Variants in TNRC6C observed in about 807,000 individuals in gnomAD.
TNRC6C encodes the protein trinucleotide repeat containing adaptor 6C.
A neutral mutation model predicts 153.7 loss-of-function variants in TNRC6C; 20 were observed. The observed-to-expected ratio is 0.13, with a 90% CI of 0.09 to 0.19. The LOEUF (loss-of-function observed/expected upper bound fraction) is 0.19, where lower values mean the gene tolerates loss of function less well. TNRC6C is among the 10% of genes least tolerant of loss of function. The pLI, the probability that TNRC6C is intolerant of heterozygous loss-of-function variation, is 1.00. For missense variants in TNRC6C, 1,987 were observed against 2,172.0 expected (o/e 0.91, Z 1.69); for synonymous variants, 811 against 841.4 (o/e 0.96, Z 0.63).
intron 1 of TNRC6C, among the ~76,000 whole-genome samples, chr17:78,006,504 CTTCT>C (rs2071503681): frequency 1.8e-5 from 1 of 54,932 alleles, no homozygotes; most frequent in Non-Finnish European, 3.8e-5. Flanking sequence ...TCTTCTTCTT[CTTCT>C]TCTTCTTCTT....
chr17:77,965,538 G>A (rs528383550), intron 1 of TNRC6C, among the ~76,000 whole-genome samples: 3 of 152,342 alleles, frequency 2.0e-5, no homozygotes, highest in East Asian at 3.9e-4. Context: ...GCTGCCTTCT[G>A]AAGCCTGAGC....
intron 19 of TNRC6C, 78 bp downstream of exon 22, chr17:78,103,631 G>A: frequency 6.4e-7 from 1 of 1,574,322 alleles, no homozygotes; most frequent in Non-Finnish European, 8.6e-7. Context: ...GTGTTGCAGG[G>A]GTGTCCTGAG....
Position 78,010,821 on chromosome 17 carries a change from A to G in TNRC6C, c.-546+5742A>G, listed in dbSNP as rs148027702. 1.1e-3 allele frequency among the ~76,000 whole-genome samples: 160 copies of G among 152,364 alleles called. 1 individual carries two copies. The highest frequency in any genetic ancestry group is 3.5e-3 in the African/African-American group (146 of 41,594). On this transcript the variant is annotated intron_variant, in intron 1 of 19. Coordinates refer to ENST00000301624, the Ensembl canonical transcript of TNRC6C. ...CCATGGAAACAAAAAAAATATTAAG[A>G]TGAGACATTTTAAAAATATATAGGT...
At chr17:78,076,585 A>G (rs1415680957) in intron 8 of TNRC6C, among the ~76,000 whole-genome samples, 1 of 152,228 alleles carries the variant, frequency 6.6e-6, no homozygotes, top group African/African-American at 2.4e-5. Flanking sequence ...TAATCTGGCA[A>G]CCCTAAATTG....
exon 4 of TNRC6C, chr17:78,064,930 C>T (rs1390928348): frequency 2.7e-5 from 44 of 1,608,224 alleles, no homozygotes; most frequent in Non-Finnish European, 3.7e-5. Flanking sequence ...CAGCCCTGTG[C>T]AAACCAGGTA....
At chr17:78,046,139 AT>A (rs2072404052) in intron 2 of TNRC6C, among the ~76,000 whole-genome samples, 1 of 146,144 alleles carries the variant, frequency 6.8e-6, no homozygotes, top group Non-Finnish European at 1.5e-5. Context: ...TCCTTTTCCC[AT>A]TTCTGGTTGG....
chr17:78,005,841 C>T lies in TNRC6C; in HGVS notation c.-546+762C>T, dbSNP rs183360242. ...ATAAAGCTGTTACAAAGACTTAATA[C>T]GATTATTTGTCAATTCAAAATAAAA... On this transcript the variant is annotated intron_variant, in intron 1 of 19. Transcript: ENST00000301624. 1.4e-4 allele frequency among the ~76,000 whole-genome samples: 22 copies of T among 151,738 alleles called. 1 individual carries two copies. The highest frequency in any genetic ancestry group is 1.0e-3 in the South Asian group (5 of 4,788).
At chr17:78,064,024 G>C (rs2072821505) in intron 3 of TNRC6C, among the ~76,000 whole-genome samples, 1 of 152,172 alleles carries the variant, frequency 6.6e-6, no homozygotes, top group African/African-American at 2.4e-5. Flanking sequence ...TAGAGGGCAG[G>C]AGTTAGAAAA....
intron 1 of TNRC6C, among the ~76,000 whole-genome samples, chr17:77,996,816 G>T (rs2071335595): frequency 6.6e-6 from 1 of 152,130 alleles, no homozygotes; most frequent in Non-Finnish European, 1.5e-5. Context: ...CCTTCGATTA[G>T]TCAGACACAA....
At chr17:78,074,115 C>T (rs1197997879) in intron 7 of TNRC6C, among the ~76,000 whole-genome samples, 5 of 152,144 alleles carry the variant, frequency 3.3e-5, no homozygotes, top group Non-Finnish European at 7.4e-5. Context: ...CGCTTTACTG[C>T]CTTCTTGAGC....
chr17:78,091,443 G>T, exon 14 of TNRC6C: 3 of 1,590,636 alleles, frequency 1.9e-6, no homozygotes, highest in Non-Finnish European at 2.6e-6. Flanking sequence ...TCTTTAGCTG[G>T]ACTGAACCCA....
intron 1 of TNRC6C, among the ~76,000 whole-genome samples, chr17:77,965,914 C>T (rs79708117): frequency 0.01 from 1,523 of 152,274 alleles, 11 homozygotes; most frequent in Middle Eastern, 0.024. Context: ...CATTGTTTTC[C>T]CTTCATACCA....
Position 78,102,462 on chromosome 17 carries a change from C to T in TNRC6C, c.4502-12C>T, listed in dbSNP as rs764816545. The T allele has an allele frequency of 1.4e-5, 22 of 1,602,956 alleles. No individual in the cohort carries two copies. In the Admixed American group the frequency reaches 3.4e-4, roughly 25 times the overall value. ...GGGGCCTTGTCAACCAGGTTCTCCCCTCTTGTTGCAGGTTCTGCCTGGAGC... is the reference window on the plus strand; with the variant it reads ...GGGGCCTTGTCAACCAGGTTCTCCCTTCTTGTTGCAGGTTCTGCCTGGAGC... On this transcript the variant is annotated splice_polypyrimidine_tract_variant and intron_variant, in intron 17 of 19. Coordinates refer to ENST00000301624, the Ensembl canonical transcript of TNRC6C.
In TNRC6C at chr17:78,074,957, T is replaced by C. The variant is rs182660348; in HGVS notation, c.2918-179T>C. Among the ~76,000 whole-genome samples the C allele has an allele frequency of 1.4e-3, 210 of 152,354 alleles. 1 individual carries two copies. Among genetic ancestry groups the C allele is most frequent in the African/African-American group, 4.7e-3 (196 of 41,592 alleles). On this transcript the variant is annotated intron_variant, in intron 7 of 19. Coordinates refer to ENST00000301624, the Ensembl canonical transcript of TNRC6C. ...ACCCCCATCCCCTTGCCGTGAATCC[T>C]TGGCAGCCCCTTGTTGGGCTCAGCC... is the stretch of plus-strand genomic sequence containing the variant.
Position 78,104,892 on chromosome 17 carries a change from C to A in TNRC6C, c.*47C>A, listed in dbSNP as rs920223420. The A allele has an allele frequency of 2.1e-5, 29 of 1,392,400 alleles. No homozygotes were observed. The highest frequency in any genetic ancestry group is 2.7e-5 in the Non-Finnish European group (29 of 1,078,652). The allele number at this position is 1,392,400 out of a possible 1,614,324, so 86.3% of individuals were successfully genotyped here. ...GGAGAGCCGACCCCTCCCGGGACCC[C>A]TCCCGGCTGGGCGGCCCCACAGACC... On this transcript the variant is annotated 3_prime_UTR_variant, in exon 20 of 20. Coordinates refer to ENST00000301624, the Ensembl canonical transcript of TNRC6C. This position sits in a 1 kb window ranked among gnomAD's most constrained non-coding sequence, Gnocchi z 6.2.
At chr17:78,094,217 G>T (rs1052778626) in intron 16 of TNRC6C, among the ~76,000 whole-genome samples, 1 of 151,342 alleles carries the variant, frequency 6.6e-6, no homozygotes, top group African/African-American at 2.4e-5. Context: ...CCTGACCTCA[G>T]GTGTCGCCCA....
At position 78,087,071 on chromosome 17, in the gene TNRC6C, C is replaced by A; in HGVS notation, c.3780C>A (p.Asn1260Lys). The A allele has an allele frequency of 1.2e-6, 2 of 1,613,784 alleles. No individual in the cohort carries two copies. Among genetic ancestry groups the A allele is most frequent in the Non-Finnish European group, 1.7e-6 (2 of 1,179,842 alleles). Reference sequence around the variant, plus strand: ...CCAAAGAGCAGCAGTCTTCACCCAACACCTTTGCTCCTTACCCTCTCGGTG... The same window carrying A: ...CCAAAGAGCAGCAGTCTTCACCCAAAACCTTTGCTCCTTACCCTCTCGGTG... Residue 1260 changes from asparagine (N) to lysine (K), a missense_variant, in exon 13 of 20, where the codon AAC (asparagine) becomes AAA (lysine). By Grantham distance (94) the Asn-to-Lys change is moderately conservative. Around this residue, in one of 4 missense-constraint regions of TNRC6C, gnomAD observed 765 missense variants for 908.6 expected, o/e 0.84. Transcript: ENST00000301624.
chr17:78,055,597 G>C (rs576205318), intron 3 of TNRC6C, among the ~76,000 whole-genome samples: 12 of 152,268 alleles, frequency 7.9e-5, no homozygotes, highest in African/African-American at 2.9e-4. Flanking sequence ...TGACCAAACC[G>C]TCATTATGCA....
intron 2 of TNRC6C, among the ~76,000 whole-genome samples, chr17:78,035,085 G>C (rs546116007): frequency 2.0e-4 from 31 of 152,300 alleles, no homozygotes; most frequent in African/African-American, 5.3e-4. Context: ...TCTAAAATGA[G>C]AGGTTTGAAC....
Sources: allele counts gnomAD v4.1 joint callset (sites outside exome capture counted in the v4.1 genomes callset), GRCh38; gene constraint gnomAD v4.1.1; regional missense constraint gnomAD v4.1.1; non-coding constraint Gnocchi (gnomAD v3.1); transcripts MANE v1.5; gene names NCBI Gene and HGNC (gene_info 2026-07-23, HGNC 2026-07-21).